The following PPM1L variants were observed in gnomAD, a reference collection of about 807,000 sequenced individuals.
The protein encoded by PPM1L is protein phosphatase, Mg2+/Mn2+ dependent 1L.
In PPM1L, 13 loss-of-function variants were observed where a neutral mutation model predicts 31.4. That is an observed-to-expected ratio of 0.41 (90% CI 0.27 to 0.66). The LOEUF (loss-of-function observed/expected upper bound fraction) is 0.66, where lower values mean the gene tolerates loss of function less well. Ranked by LOEUF, PPM1L falls within the 30% of genes least tolerant of loss-of-function variation. PPM1L has a pLI of 0.29. For missense variants in PPM1L, 326 were observed against 453.7 expected (o/e 0.72, Z 2.56); for synonymous variants, 184 against 175.4 (o/e 1.05, Z -0.39).
At chr3:160,867,327 CTTTTTTT>C (rs529507709) in intron 1 of PPM1L, among the ~76,000 whole-genome samples, 1 of 123,956 alleles carries the variant, frequency 8.1e-6, no homozygotes, top group Non-Finnish European at 1.7e-5. Flanking sequence ...GTTCCATGTT[CTTTTTTT>C]TTTTTTTTTT....
chr3:160,990,623 T>C (rs1322042715), intron 2 of PPM1L, among the ~76,000 whole-genome samples: 1 of 152,156 alleles, frequency 6.6e-6, no homozygotes, highest in Non-Finnish European at 1.5e-5. Context: ...TTTTTTAAGA[T>C]AGCAATTCCT....
At chr3:160,963,924 C>G (rs1027449658) in intron 2 of PPM1L, among the ~76,000 whole-genome samples, 6 of 152,052 alleles carry the variant, frequency 3.9e-5, no homozygotes, top group African/African-American at 1.4e-4. Context: ...GTTAGAGGAT[C>G]TAAGGTCTAG....
At chr3:161,065,277 G>A (rs1382671350) in intron 2 of PPM1L, 126 bp from the exon 3 acceptor site, 1 of 807,288 alleles carries the variant, frequency 1.2e-6, no homozygotes, top group Non-Finnish European at 2.0e-6. Flanking sequence ...TTCTCAGAGT[G>A]GCTGGAGTCA....
chr3:160,869,584 C>T (rs938933333), intron 1 of PPM1L, among the ~76,000 whole-genome samples: 3 of 151,952 alleles, frequency 2.0e-5, no homozygotes, highest in Admixed American at 6.6e-5. Flanking sequence ...TTTATGTTGT[C>T]AGGTCTATTG....
intron 1 of PPM1L, among the ~76,000 whole-genome samples, chr3:160,849,423 T>C (rs867060920): frequency 2.7e-5 from 4 of 147,248 alleles, no homozygotes; most frequent in Non-Finnish European, 4.5e-5. Context: ...TTCTTTCTTT[T>C]TTTTTTTTAA....
At chr3:160,849,393 C>CTCTTTCTTTCTTTCTT (rs540054052) in intron 1 of PPM1L, among the ~76,000 whole-genome samples, 9 of 151,234 alleles carry the variant, frequency 6.0e-5, no homozygotes, top group African/African-American at 2.0e-4. Context: ...GACCTGCATT[C>CTCTTTCTTTCTTTCTT]TCTTTCTTTC....
intron 1 of PPM1L, among the ~76,000 whole-genome samples, chr3:160,804,075 G>A (rs926158994): frequency 3.3e-5 from 5 of 151,346 alleles, no homozygotes; most frequent in Middle Eastern, 3.4e-3. Flanking sequence ...CCGCCACCAC[G>A]CCCAGCTAAT....
intron 1 of PPM1L, among the ~76,000 whole-genome samples, chr3:160,844,888 A>G (rs1714025902): frequency 6.6e-6 from 1 of 152,018 alleles, no homozygotes; most frequent in East Asian, 1.9e-4. Flanking sequence ...CCCATTAGCA[A>G]TTATGCTCTA....
rs1252907738 is a variant in PPM1L, at chr3:161,076,173, T to C, written c.*7016T>C. The C allele has an allele frequency of 1.3e-5, 2 of 152,212 alleles. No homozygotes were observed. The highest frequency in any genetic ancestry group is 2.9e-5 in the Non-Finnish European group (2 of 68,030). The allele number at this position is 152,212 out of a possible 1,614,324, so 9.4% of individuals were successfully genotyped here. On this transcript the variant is annotated 3_prime_UTR_variant, in exon 4 of 4. Coordinates refer to ENST00000498165, the MANE Select transcript of PPM1L (RefSeq NM_139245.4). Reference sequence around the variant, plus strand: ...CATATGATTAAAAAAATTAATCCTGTAGAAATGATGTATTAGACATCTCTA... The same window carrying C: ...CATATGATTAAAAAAATTAATCCTGCAGAAATGATGTATTAGACATCTCTA...
intron 2 of PPM1L, among the ~76,000 whole-genome samples, chr3:161,031,938 A>G (rs1429080156): frequency 6.6e-6 from 1 of 152,208 alleles, no homozygotes; most frequent in African/African-American, 2.4e-5. Context: ...ACAAGGGTTC[A>G]TAGTAGCATC....
chr3:160,804,870 A>G (rs1462647814), intron 1 of PPM1L, among the ~76,000 whole-genome samples: 1 of 152,216 alleles, frequency 6.6e-6, no homozygotes, highest in Non-Finnish European at 1.5e-5. Context: ...GTTAGCCCCT[A>G]TAGTACTGAT....
At chr3:160,900,390 A>T (rs1213056872) in intron 1 of PPM1L, among the ~76,000 whole-genome samples, 2 of 151,930 alleles carry the variant, frequency 1.3e-5, no homozygotes, top group African/African-American at 4.8e-5. Context: ...TTGATTTTTT[A>T]AAAATGCTTT....
intron 2 of PPM1L, among the ~76,000 whole-genome samples, chr3:161,021,146 A>G (rs935996717): frequency 2.0e-5 from 3 of 151,440 alleles, no homozygotes; most frequent in Non-Finnish European, 2.9e-5. Context: ...TAGGTTTTTT[A>G]TTTGAGAGCT....
At chr3:160,803,956 C>G (rs200810862) in intron 1 of PPM1L, among the ~76,000 whole-genome samples, 1 of 152,192 alleles carries the variant, frequency 6.6e-6, no homozygotes, top group Non-Finnish European at 1.5e-5. Flanking sequence ...CTCGCTCTGT[C>G]GCCCAGGATG....
chr3:160,778,126 AT>A (rs1424180661), intron 1 of PPM1L, among the ~76,000 whole-genome samples: 1 of 151,958 alleles, frequency 6.6e-6, no homozygotes, highest in African/African-American at 2.4e-5. Flanking sequence ...GTAACTGAGC[AT>A]TTTTTATCTG....
intron 2 of PPM1L, among the ~76,000 whole-genome samples, chr3:161,063,243 A>G (rs1719627494): frequency 6.6e-6 from 1 of 152,198 alleles, no homozygotes; most frequent in Admixed American, 6.5e-5. Flanking sequence ...TGGTAACAAC[A>G]ATTTCTAATT....
chr3:160,919,570 T>C (rs1356526737), intron 1 of PPM1L, among the ~76,000 whole-genome samples: 3 of 152,206 alleles, frequency 2.0e-5, no homozygotes, highest in East Asian at 1.9e-4. Flanking sequence ...TTACTTGTTA[T>C]GTATACAAAA....
intron 2 of PPM1L, among the ~76,000 whole-genome samples, chr3:161,063,775 T>G (rs1055064952): frequency 6.6e-6 from 1 of 152,158 alleles, no homozygotes; most frequent in African/African-American, 2.4e-5. Flanking sequence ...CATCCAAATG[T>G]CCATCAATGA....
At chr3:160,938,729 C>T (rs1268141941) in intron 1 of PPM1L, among the ~76,000 whole-genome samples, 1 of 152,172 alleles carries the variant, frequency 6.6e-6, no homozygotes, top group Non-Finnish European at 1.5e-5. Context: ...GGACTGACAG[C>T]CAGTGAGGTT....
Sources: gnomAD v4.1 joint callset for allele counts (sites outside exome capture counted in the v4.1 genomes callset) on GRCh38, gnomAD v4.1.1 for gene constraint, MANE v1.5 for transcripts, NCBI Gene and HGNC (gene_info 2026-07-23, HGNC 2026-07-21) for gene names.